The following APC2 variants were observed in gnomAD, a reference collection of about 807,000 sequenced individuals.
APC2 encodes the protein APC regulator of Wnt signaling pathway 2.
A neutral mutation model predicts 72.5 loss-of-function variants in APC2; 41 were observed. The ratio of observed to expected loss-of-function variants is 0.57; its 90% CI spans 0.44 to 0.73. The LOEUF is 0.73. APC2 is among the 30% of genes least tolerant of loss of function. The pLI is 0.00. For synonymous variants in APC2, 1,898 were observed against 1,612.0 expected, an observed-to-expected ratio of 1.18 and a Z score of -4.25; for missense variants, 3,729 against 3,403.4, an observed-to-expected ratio of 1.10 and a Z score of -2.38.
In APC2 at chr19:1,470,028, C is replaced by G. The variant is rs760146554; in HGVS notation, c.6727C>G (p.Pro2243Ala). The stretch of plus-strand genomic sequence containing the variant: ...CCTCGCCAAGGCTCCCATCTCCGCA[C>G]CCTTCGTGCACGAGGGCCTGGGGGT... Reference protein sequence around the residue: ...PSLAKAPISAPFVHEGLGVAV... With the variant: ...PSLAKAPISAAFVHEGLGVAV... Residue 2243 changes from proline (P) to alanine (A), a missense_variant, in exon 15 of 15, where the codon CCC becomes GCC. Physicochemically the swap from Pro to Ala is conservative, Grantham distance 27. Transcript: ENST00000590469. 2 of 1,561,172 alleles carry G rather than the reference C, an allele frequency of 1.3e-6. No homozygotes were observed. Among genetic ancestry groups the G allele is most frequent in the East Asian group, 2.4e-5 (1 of 41,766 alleles).
chr19:1,468,433 CGTCCGA>C lies in APC2; in HGVS notation c.5139_5144del (p.Glu1713_Ser1714del). ...GCAGCAGCTGCCACGCGGGAGGCCT[CGTCCGA>C]GTCCGACTCCATCCTGTCCTTCGTA... On this transcript the variant is annotated inframe_deletion, in exon 15 of 15. Coordinates refer to ENST00000590469, the MANE Select transcript of APC2 (RefSeq NM_005883.3). 1 of 1,591,632 alleles carries C rather than the reference CGTCCGA, an allele frequency of 6.3e-7. No homozygotes were observed. The highest frequency in any genetic ancestry group is 8.5e-7 in the Non-Finnish European group (1 of 1,170,346).
chr19:1,460,200 A>AG lies in APC2; in HGVS notation c.1324dup (p.Glu442GlyfsTer6). On this transcript the variant is annotated frameshift_variant, in exon 11 of 15. Coordinates refer to ENST00000590469, the MANE Select transcript of APC2 (RefSeq NM_005883.3). LOFTEE classifies it high-confidence loss of function. Reference sequence around the variant, plus strand: ...TCACAGGTGGGCTGCAGGCCGTGGCAGAGCTGCTGCAGGTTGACTATGAGA... The same window carrying AG: ...TCACAGGTGGGCTGCAGGCCGTGGCAGGAGCTGCTGCAGGTTGACTATGAGA... 1 of 1,613,440 alleles carries AG rather than the reference A, an allele frequency of 6.2e-7. No individual in the cohort carries two copies. The highest frequency in any genetic ancestry group is 8.5e-7 in the Non-Finnish European group (1 of 1,180,014).
chr19:1,455,580 G>C (rs984205559), intron 6 of APC2, 80 bp downstream of exon 6: 7 of 1,364,498 alleles, frequency 5.1e-6, no homozygotes, highest in Non-Finnish European at 7.1e-6. Flanking sequence ...TATTATGGGC[G>C]GGGTCTGGGG....
At chr19:1,457,299 C>G in intron 9 of APC2, 56 bp downstream of exon 9, 1 of 1,466,134 alleles carries the variant, frequency 6.8e-7, no homozygotes, top group Non-Finnish European at 9.0e-7. Flanking sequence ...GCTAGGGCTT[C>G]CCGGGGGATG....
At chr19:1,455,562 A>C (rs1268392339) in intron 6 of APC2, 62 bp downstream of exon 6, 1 of 1,470,876 alleles carries the variant, frequency 6.8e-7, no homozygotes, top group African/African-American at 1.4e-5. Context: ...GGCAAATCAG[A>C]GTGCAGATAT....
chr19:1,461,291 G>A (rs368408277), intron 13 of APC2, 138 bp downstream of exon 13: 13 of 744,444 alleles, frequency 1.7e-5, no homozygotes, highest in African/African-American at 6.9e-5. Context: ...GCCTCAGACC[G>A]GCTGGGGCTC....
chr19:1,459,696 G>A (rs576583680), intron 10 of APC2, among the ~76,000 whole-genome samples: 5 of 152,304 alleles, frequency 3.3e-5, no homozygotes, highest in Admixed American at 2.6e-4. Flanking sequence ...CCATCTCCCC[G>A]TTGATTTCCC....
chr19:1,454,043 T>C (rs791459), intron 4 of APC2, among the ~76,000 whole-genome samples: 103,693 of 152,078 alleles, frequency 0.68, 35,903 homozygotes, highest in African/African-American at 0.81. Context: ...AGGCAGGGTC[T>C]GGGCACCCTG....
Position 1,468,814 on chromosome 19 carries a change from A to C in APC2, c.5513A>C (p.Gln1838Pro). 1 of 1,540,090 alleles carries C rather than the reference A, an allele frequency of 6.5e-7. No homozygotes were observed. The highest frequency in any genetic ancestry group is 8.7e-7 in the Non-Finnish European group (1 of 1,147,512). Residue 1838 changes from glutamine (Q) to proline (P), a missense_variant, in exon 15 of 15, where the codon CAG becomes CCG. Physicochemically the swap from Gln to Pro is moderately conservative, Grantham distance 76. Coordinates refer to ENST00000590469, the MANE Select transcript of APC2 (RefSeq NM_005883.3). Reference protein sequence around the residue: ...APAKVPSPGQQRSRSLHRPAK... With the variant: ...APAKVPSPGQPRSRSLHRPAK... ...GCCAAAGTCCCGAGCCCCGGGCAGC[A>C]GCGGTCGCGGAGCCTACACCGGCCT...
rs977442100 is a variant in APC2, at chr19:1,450,317, C to A, written c.-40C>A. 9 of 985,516 alleles carry A rather than the reference C, an allele frequency of 9.1e-6. No homozygotes were observed. Among genetic ancestry groups the A allele is most frequent in the Middle Eastern group, 5.2e-4 (1 of 1,914 alleles). 61.0% of individuals were successfully genotyped at this position (985,516 alleles called of 1,614,324 possible). On this transcript the variant is annotated 5_prime_UTR_variant, in exon 1 of 15. Coordinates refer to ENST00000590469, the MANE Select transcript of APC2 (RefSeq NM_005883.3). ...GAGGCCCCAGACCCAGGCGCCCCGC[C>A]AGCCCAGCTGCACGTAAGCGGGTGT... is the stretch of plus-strand genomic sequence containing the variant.
chr19:1,449,541 A>G (rs2083718060), upstream of APC2, among the ~76,000 whole-genome samples: 2 of 152,222 alleles, frequency 1.3e-5, no homozygotes, highest in African/African-American at 2.4e-5. Context: ...ATGAAGAGCA[A>G]CGGAGTTACA....
chr19:1,465,478 T>C lies in APC2; in HGVS notation c.2177T>C (p.Leu726Pro). Residue 726 changes from leucine (L) to proline (P), a missense_variant, in exon 15 of 15, where the codon CTG (leucine) becomes CCG (proline). Transcript: ENST00000590469. ...CTGTACGTGCGCAAGCAGCGGGCGC[T>C]GGAGGCCGAGCTGGACGCACGGCAC... ...PSLYVRKQRA[L>P]EAELDARHLA... The C allele has an allele frequency of 1.3e-6, 2 of 1,529,418 alleles. No homozygotes were observed. Among genetic ancestry groups the C allele is most frequent in the South Asian group, 1.2e-5 (1 of 83,466 alleles). 94.7% of individuals were successfully genotyped at this position (1,529,418 alleles called of 1,614,324 possible).
chr19:1,449,704 A>G (rs1477345716), upstream of APC2, among the ~76,000 whole-genome samples: 1 of 146,720 alleles, frequency 6.8e-6, no homozygotes, highest in Non-Finnish European at 1.5e-5. Flanking sequence ...ACCCTGTCCC[A>G]CCCTGACGCA....
intron 13 of APC2, chr19:1,461,358 T>C: frequency 1.7e-6 from 1 of 598,988 alleles, no homozygotes; most frequent in South Asian, 2.0e-5. Context: ...GTGGCTCACT[T>C]GAGGTCAGGA....
intron 14 of APC2, among the ~76,000 whole-genome samples, chr19:1,463,351 G>A (rs924464765): frequency 5.9e-5 from 9 of 151,534 alleles, no homozygotes; most frequent in Non-Finnish European, 5.9e-5. Context: ...CCGGGAGGCG[G>A]AGGCTGCAGT....
At position 1,468,262 on chromosome 19, in the gene APC2, C is replaced by G. The variant is rs2145251396; in HGVS notation, c.4961C>G (p.Ala1654Gly). 2 of 1,526,164 alleles carry G rather than the reference C, an allele frequency of 1.3e-6. No homozygotes were observed. Among genetic ancestry groups the G allele is most frequent in the South Asian group, 2.4e-5 (2 of 81,778 alleles). The allele number at this position is 1,526,164 out of a possible 1,614,324, so 94.5% of individuals were successfully genotyped here. Residue 1654 changes from alanine to glycine, a missense_variant, in exon 15 of 15, where the codon GCC (alanine) becomes GGC (glycine). By Grantham distance (60) the Ala-to-Gly change is moderately conservative. Coordinates refer to ENST00000590469, the MANE Select transcript of APC2 (RefSeq NM_005883.3). Reference sequence around the variant, plus strand: ...GGCCTGCGGCGCCGCAAGCCCCGAGCCACCCGGCTGGATGAGCGGCCCGCA... The same window carrying G: ...GGCCTGCGGCGCCGCAAGCCCCGAGGCACCCGGCTGGATGAGCGGCCCGCA... ...VSGLRRRKPRATRLDERPAEG... is the reference protein window; with the variant it reads ...VSGLRRRKPRGTRLDERPAEG...
At chr19:1,462,799 A>G (rs769638011) in intron 14 of APC2, among the ~76,000 whole-genome samples, 13 of 142,370 alleles carry the variant, frequency 9.1e-5, no homozygotes, top group East Asian at 2.2e-4. Flanking sequence ...TGAAACCCCC[A>G]TCTCTACTAA....
upstream of APC2, chr19:1,446,386 C>A (rs1380199337): frequency 4.8e-5 from 47 of 984,056 alleles, no homozygotes; most frequent in Non-Finnish European, 5.2e-5. This position sits in a 1 kb window ranked among gnomAD's most constrained non-coding sequence, Gnocchi z 6.1. Context: ...CCGGGCCGCG[C>A]AGGAACGGGG....
chr19:1,449,034 T>C (rs1181900711), upstream of APC2, among the ~76,000 whole-genome samples: 6 of 152,112 alleles, frequency 3.9e-5, no homozygotes, highest in South Asian at 4.2e-4. Flanking sequence ...GGTCTTCAGC[T>C]CAAGGCCCAA....
Sources: gnomAD v4.1 joint callset for allele counts (sites outside exome capture counted in the v4.1 genomes callset) on GRCh38, gnomAD v4.1.1 for gene constraint, Gnocchi (gnomAD v3.1) non-coding constraint, MANE v1.5 for transcripts, NCBI Gene and HGNC (gene_info 2026-07-23, HGNC 2026-07-21) for gene names.